The following WDR72 variants were observed in gnomAD, a reference collection of about 807,000 sequenced individuals.
The protein encoded by WDR72 is WD repeat domain 72.
WDR72 carries 120 observed loss-of-function variants against 124.2 expected under a neutral mutation model. The observed-to-expected ratio is 0.97, with a 90% CI of 0.83 to 1.12. The LOEUF is 1.12. Among genes scored for constraint, WDR72 ranks in the 50% most tolerant of loss-of-function variants. WDR72 has a pLI of 0.00. For synonymous variants in WDR72, 452 were observed against 441.7 expected, an observed-to-expected ratio of 1.02 and a Z score of -0.29; for missense variants, 1,387 against 1,278.8, an observed-to-expected ratio of 1.08 and a Z score of -1.29.
At chr15:53,605,630 G>A (rs1239874493) in intron 17 of WDR72, among the ~76,000 whole-genome samples, 1 of 152,182 alleles carries the variant, frequency 6.6e-6, no homozygotes, top group African/African-American at 2.4e-5. Flanking sequence ...CAAGGCGGGG[G>A]GATCATTTGA....
intron 9 of WDR72, among the ~76,000 whole-genome samples, chr15:53,706,623 C>T (rs932858994): frequency 1.3e-5 from 2 of 151,498 alleles, no homozygotes; most frequent in Non-Finnish European, 2.9e-5. Context: ...ACTGAGAAGG[C>T]TTAATTTCTT....
intron 9 of WDR72, among the ~76,000 whole-genome samples, chr15:53,708,030 C>T (rs561259339): frequency 9.9e-4 from 150 of 152,274 alleles, no homozygotes; most frequent in African/African-American, 3.5e-3. Flanking sequence ...CCTCTGCCTT[C>T]ACCTTCCACA....
intron 13 of WDR72, among the ~76,000 whole-genome samples, chr15:53,686,144 TGC>T (rs2016614572): frequency 7.1e-6 from 1 of 140,134 alleles, no homozygotes; most frequent in South Asian, 2.4e-4. Flanking sequence ...AGGACGAAAC[TGC>T]ATCAACTAAT....
At chr15:53,536,895 C>T (rs1482742411) in intron 18 of WDR72, among the ~76,000 whole-genome samples, 1 of 152,146 alleles carries the variant, frequency 6.6e-6, no homozygotes, top group Non-Finnish European at 1.5e-5. Context: ...TGTCTGCTGC[C>T]TTAAGCTTTG....
chr15:53,615,987 T>C lies in WDR72; in HGVS notation c.2219A>G (p.Glu740Gly). ...SKTACGPLSA[E>G]ALAKPITESL... ...TTCAGTAATAGGCTTGGCTAGTGCC[T>C]CTGCTGAAAGAGGACCACAGGCAGT... is the stretch of plus-strand genomic sequence containing the variant. Residue 740 changes from glutamate to glycine, a missense_variant, in exon 15 of 20, where the codon GAG (glutamate) becomes GGG (glycine). Physicochemically the swap from Glu to Gly is moderately conservative, Grantham distance 98 (BLOSUM62 -2). Coordinates refer to ENST00000360509, the MANE Select transcript of WDR72 (RefSeq NM_182758.4). 6.2e-7 allele frequency: 1 copy of C among 1,613,338 alleles called. No individual in the cohort carries two copies.
At chr15:53,663,197 C>T (rs2015665850) in intron 14 of WDR72, among the ~76,000 whole-genome samples, 1 of 151,908 alleles carries the variant, frequency 6.6e-6, no homozygotes, top group African/African-American at 2.4e-5. Flanking sequence ...ATACCCAGAA[C>T]ATAAATTAAA....
intron 1 of WDR72, among the ~76,000 whole-genome samples, chr15:53,737,298 C>A (rs2018384861): frequency 1.3e-5 from 2 of 152,022 alleles, no homozygotes; most frequent in African/African-American, 4.8e-5. Flanking sequence ...CTCCCACAGG[C>A]CAAACCATGG....
At chr15:53,705,538 C>A (rs765456967) in intron 10 of WDR72, among the ~76,000 whole-genome samples, 2 of 152,172 alleles carry the variant, frequency 1.3e-5, no homozygotes, top group African/African-American at 4.8e-5. Context: ...TCTCGGCTCA[C>A]CGCAACCTCC....
intron 16 of WDR72, 121 bp downstream of exon 16, chr15:53,613,545 T>G (rs901550131): frequency 1.4e-6 from 1 of 711,172 alleles, no homozygotes; most frequent in African/African-American, 1.8e-5. Flanking sequence ...CAAACATAGG[T>G]AAAATCTATG....
chr15:53,555,759 A>T (rs1800644806), intron 18 of WDR72, among the ~76,000 whole-genome samples: 1 of 152,086 alleles, frequency 6.6e-6, no homozygotes, highest in Admixed American at 6.6e-5. Flanking sequence ...TTTGCCATTT[A>T]AAAAAATATA....
At chr15:53,633,617 C>T (rs1345174902) in intron 14 of WDR72, among the ~76,000 whole-genome samples, 1 of 152,124 alleles carries the variant, frequency 6.6e-6, no homozygotes, top group Non-Finnish European at 1.5e-5. Context: ...TATCTAACAG[C>T]ATAGTCTCTG....
chr15:53,686,576 C>A (rs1207618562), intron 13 of WDR72, among the ~76,000 whole-genome samples: 1 of 151,560 alleles, frequency 6.6e-6, no homozygotes, highest in African/African-American at 2.4e-5. Flanking sequence ...CCTGAGTGAC[C>A]TACAAAGAGA....
chr15:53,677,420 A>T (rs1371155118), intron 13 of WDR72, among the ~76,000 whole-genome samples: 1 of 152,192 alleles, frequency 6.6e-6, no homozygotes, highest in Non-Finnish European at 1.5e-5. Flanking sequence ...TTCCTTTTAA[A>T]GCATTCTATT....
At position 53,517,482 on chromosome 15, in the gene WDR72, A is replaced by AAATT. The variant is rs1334439697; in HGVS notation, c.*213_*216dup. On this transcript the variant is annotated 3_prime_UTR_variant, in exon 20 of 20. Transcript: ENST00000360509. ...GAATGATCTAGGCAATATTTTTCTA[A>AAATT]AATTAGATGAATATGAATATTTTCA... 5.6e-6 allele frequency: 3 copies of AAATT among 531,912 alleles called. No homozygotes were observed. Among genetic ancestry groups the AAATT allele is most frequent in the Non-Finnish European group, 1.0e-5 (3 of 296,430 alleles). The allele number at this position is 531,912 out of a possible 1,614,324, so 32.9% of individuals were successfully genotyped here.
At chr15:53,696,074 A>G (rs1473796525) in intron 13 of WDR72, among the ~76,000 whole-genome samples, 1 of 151,282 alleles carries the variant, frequency 6.6e-6, no homozygotes, top group Non-Finnish European at 1.5e-5. Context: ...TTCTCCCACT[A>G]ACACCTCCTA....
chr15:53,613,687 A>G lies in WDR72; in HGVS notation c.2851T>C (p.Phe951Leu), dbSNP rs756079640. 54 of 1,610,464 alleles carry G rather than the reference A, an allele frequency of 3.4e-5. 3 individuals carry two copies. The South Asian group carries it at 4.7e-4, about 14-fold the overall frequency. Reference protein sequence around the residue: ...AGNDILNMSSFYSCLRNGKNE... With the variant: ...AGNDILNMSSLYSCLRNGKNE... ...TTACCATTTCGTAAGCAACTGTAGA[A>G]GCTTGACATATTTAAAATGTCATTC... Residue 951 changes from phenylalanine (F) to leucine (L), a missense_variant, in exon 16 of 20, where the codon TTC becomes CTC. Phe to Leu is a conservative substitution (Grantham distance 22). Transcript: ENST00000360509.
intron 14 of WDR72, among the ~76,000 whole-genome samples, chr15:53,630,364 A>G (rs1388806578): frequency 6.6e-6 from 1 of 152,202 alleles, no homozygotes; most frequent in East Asian, 1.9e-4. Flanking sequence ...TCTCTCTAAG[A>G]GGCCAGTATT....
intron 18 of WDR72, among the ~76,000 whole-genome samples, chr15:53,587,046 AAT>A (rs1217932457): frequency 6.6e-6 from 1 of 152,000 alleles, no homozygotes; most frequent in Non-Finnish European, 1.5e-5. Context: ...TGGGTTTCTC[AAT>A]GATTGTAGAG....
intron 14 of WDR72, among the ~76,000 whole-genome samples, chr15:53,659,701 AT>A (rs1383439709): frequency 8.1e-6 from 1 of 123,708 alleles, no homozygotes. Context: ...TAAGGCAGTT[AT>A]AAAAAAAAAA....
Sources: allele counts gnomAD v4.1 joint callset (sites outside exome capture counted in the v4.1 genomes callset), GRCh38; gene constraint gnomAD v4.1.1; transcripts MANE v1.5; gene names NCBI Gene and HGNC (gene_info 2026-07-23, HGNC 2026-07-21).